GALNT11: variants seen among roughly 807,000 people sequenced by gnomAD.
GALNT11 encodes UDP-GalNAc:polypeptide N-acetylgalactosaminyltransferase 11.
A neutral mutation model predicts 72.7 loss-of-function variants in GALNT11; 47 were observed. The observed-to-expected ratio is 0.65, with a 90% CI of 0.51 to 0.82. GALNT11 has a LOEUF of 0.82. Among genes scored for constraint, GALNT11 ranks in the 40% least tolerant of loss-of-function variants. The probability of loss-of-function intolerance (pLI) is 0.00; values close to 1 mark genes in which losing one functional copy is unlikely to be tolerated. For missense variants in GALNT11, 677 were observed against 778.4 expected (o/e 0.87, Z 1.55); for synonymous variants, 270 against 286.6 (o/e 0.94, Z 0.58).
rs965110894 is a variant in GALNT11 at position 152,070,013 on chromosome 7, T to G, written c.-38-24177T>G. 4.6e-5 allele frequency among the ~76,000 whole-genome samples: 7 copies of G among 151,658 alleles called. No individual in the cohort carries two copies. In the East Asian group the frequency reaches 1.4e-3, roughly 29 times the overall value. On this transcript the variant is annotated intron_variant, in intron 1 of 11. Transcript: ENST00000430044. The stretch of plus-strand genomic sequence containing the variant: ...TTTCTTTTTCTTTTTCTTTTTTTTT[T>G]TGAGACAGAGTCTCCCTCTGTTGCC...
At chr7:152,026,116 G>A (rs1329132950) in intron 1 of GALNT11, among the ~76,000 whole-genome samples, 1 of 152,232 alleles carries the variant, frequency 6.6e-6, no homozygotes, top group East Asian at 1.9e-4. Flanking sequence ...GCGTGGGGGC[G>A]AGGACCAGGG....
At chr7:152,057,605 C>G (rs1205748826) in intron 1 of GALNT11, among the ~76,000 whole-genome samples, 1 of 152,250 alleles carries the variant, frequency 6.6e-6, no homozygotes, top group South Asian at 2.1e-4. Context: ...CCGTGCCCGG[C>G]CAGAATTAGA....
intron 1 of GALNT11, among the ~76,000 whole-genome samples, chr7:152,047,952 G>T (rs1282935745): frequency 3.3e-5 from 5 of 151,714 alleles, no homozygotes; most frequent in African/African-American, 1.2e-4. Flanking sequence ...CCACAATGAC[G>T]GTACTCTAAT....
chr7:152,042,361 C>T (rs538030995), intron 1 of GALNT11, among the ~76,000 whole-genome samples: 2 of 152,244 alleles, frequency 1.3e-5, no homozygotes, highest in South Asian at 2.1e-4. Context: ...TTCCGTTTAC[C>T]TGATTTTTTC....
At chr7:152,029,702 C>CT (rs988495946) in intron 1 of GALNT11, among the ~76,000 whole-genome samples, 2 of 152,248 alleles carry the variant, frequency 1.3e-5, no homozygotes, top group African/African-American at 4.8e-5. Flanking sequence ...TTTCCTAACT[C>CT]TGCTTCTACA....
chr7:152,088,491 T>C (rs1208923153), intron 1 of GALNT11, among the ~76,000 whole-genome samples: 2 of 151,992 alleles, frequency 1.3e-5, no homozygotes, highest in East Asian at 3.9e-4. Context: ...TATATTCAGT[T>C]TTTAAAAACA....
In GALNT11 at chr7:152,100,780, AACTT is replaced by A. The variant is rs560398003; in HGVS notation, c.296-17_296-14del. The A allele has an allele frequency of 7.8e-5, 126 of 1,612,280 alleles. No individual in the cohort carries two copies. The highest frequency in any genetic ancestry group is 4.9e-4 in the South Asian group (45 of 90,974). On this transcript the variant is annotated splice_polypyrimidine_tract_variant and intron_variant, in intron 2 of 11. Transcript: ENST00000430044. The stretch of plus-strand genomic sequence containing the variant: ...ACTTTCTAGATTTAATTCGCTGACT[AACTT>A]CACTCTTTTGCAGGTATGATTTTTA...
chr7:152,078,721 T>C (rs1008802411), intron 1 of GALNT11, among the ~76,000 whole-genome samples: 5 of 152,246 alleles, frequency 3.3e-5, no homozygotes, highest in African/African-American at 7.2e-5. Flanking sequence ...TAAGTGTTTT[T>C]CTAACAAGTG....
At position 152,110,748 on chromosome 7, in the gene GALNT11, C is replaced by T. The variant is rs145647562; in HGVS notation, c.1080+103C>T. On this transcript the variant is annotated intron_variant, in intron 7 of 11. Transcript: ENST00000430044. ...ATATTCTCCTTGATTATTTTTTTTTCGAGATAGGGTCTTTCTCTGCTGCCC... is the reference window on the plus strand; with the variant it reads ...ATATTCTCCTTGATTATTTTTTTTTTGAGATAGGGTCTTTCTCTGCTGCCC... 1.8e-4 allele frequency: 164 copies of T among 907,704 alleles called. 2 individuals carry two copies. The highest frequency in any genetic ancestry group is 1.8e-3 in the Middle Eastern group (5 of 2,848). The allele number at this position is 907,704 out of a possible 1,614,324, so 56.2% of individuals were successfully genotyped here. A position where few individuals can be genotyped will look rare whatever the true frequency, so the allele number is the denominator to read the frequency against.
rs1374684950 is a variant in GALNT11 at position 152,111,957 on chromosome 7, C to T, written c.1081-1289C>T. ...TTTGTGTATACAGGCACCCCTGTCCCGAGGAGGAAATCCACCTCGCATTAT... is the reference window on the plus strand; with the variant it reads ...TTTGTGTATACAGGCACCCCTGTCCTGAGGAGGAAATCCACCTCGCATTAT... On this transcript the variant is annotated intron_variant, in intron 7 of 11. Transcript: ENST00000430044. Among the ~76,000 whole-genome samples the T allele has an allele frequency of 2.0e-5, 3 of 152,244 alleles. No individual in the cohort carries two copies. In the East Asian group the frequency reaches 5.8e-4, roughly 29 times the overall value.
chr7:152,025,860 G>C lies in GALNT11; in HGVS notation c.-63G>C. The C allele has an allele frequency of 3.5e-6, 1 of 283,740 alleles. No individual in the cohort carries two copies. The highest frequency in any genetic ancestry group is 2.8e-5 in the South Asian group (1 of 36,022). 17.6% of individuals were successfully genotyped at this position (283,740 alleles called of 1,614,324 possible). A position where few individuals can be genotyped will look rare whatever the true frequency, so the allele number is the denominator to read the frequency against. On this transcript the variant is annotated 5_prime_UTR_variant, in exon 1 of 12. Transcript: ENST00000430044. Reference sequence around the variant, plus strand: ...GCCGCAGCCCGAGTCCCAGAAGGCGGCGATCCTGGGCTGCGGGCAAGGCGG... The same window carrying C: ...GCCGCAGCCCGAGTCCCAGAAGGCGCCGATCCTGGGCTGCGGGCAAGGCGG...
rs2087412004 is a variant in GALNT11 at position 152,105,304 on chromosome 7, G to A, written c.646G>A (p.Val216Ile). 2 of 1,613,908 alleles carry A rather than the reference G, an allele frequency of 1.2e-6. No homozygotes were observed. Among genetic ancestry groups the A allele is most frequent in the African/African-American group, 2.7e-5 (2 of 74,932 alleles). ...VQKYLPGKIK[V>I]IRNTKREGLI... ...AAAATACCTCCCTGGAAAAATTAAA[G>A]TCATAAGAAATACAAAGCGTGAGGG... The change falls in exon 5 of 12, where the codon GTC (valine) becomes ATC (isoleucine). Residue 216 changes from valine to isoleucine, a missense_variant. Physicochemically the swap from Val to Ile is conservative, Grantham distance 29. Coordinates refer to ENST00000430044, the MANE Select transcript of GALNT11 (RefSeq NM_022087.4).
intron 9 of GALNT11, 58 bp from the exon 10 acceptor site, chr7:152,118,620 G>A: frequency 2.0e-6 from 3 of 1,514,664 alleles, no homozygotes; most frequent in African/African-American, 2.8e-5. Flanking sequence ...CCACCTCCAG[G>A]CTTGGGAGGC....
At chr7:152,063,078 G>C (rs1396750332) in intron 1 of GALNT11, among the ~76,000 whole-genome samples, 3 of 152,192 alleles carry the variant, frequency 2.0e-5, no homozygotes, top group African/African-American at 7.2e-5. Context: ...GAATTCAACT[G>C]TGAATCCATC....
At chr7:152,105,133 T>C in intron 4 of GALNT11, 112 bp from the exon 5 acceptor site, 1 of 1,140,860 alleles carries the variant, frequency 8.8e-7, no homozygotes, top group Non-Finnish European at 1.2e-6. Context: ...TAGTATTTGC[T>C]TGATAGTTTG....
intron 1 of GALNT11, among the ~76,000 whole-genome samples, chr7:152,087,690 C>T (rs757176503): frequency 6.6e-6 from 1 of 152,150 alleles, no homozygotes; most frequent in Non-Finnish European, 1.5e-5. Context: ...GAAGGGAAAA[C>T]ATTAAACAAG....
chr7:152,070,372 T>A (rs1447771499), intron 1 of GALNT11, among the ~76,000 whole-genome samples: 1 of 152,188 alleles, frequency 6.6e-6, no homozygotes, highest in Non-Finnish European at 1.5e-5. Context: ...CTTCCTATTC[T>A]TACAGCACAA....
In GALNT11 at chr7:152,108,057, G is replaced by C. The variant is rs542236528; in HGVS notation, c.732G>C (p.Leu244=). 1.2e-6 allele frequency: 2 copies of C among 1,611,054 alleles called. No individual in the cohort carries two copies. Among genetic ancestry groups the C allele is most frequent in the African/African-American group, 2.7e-5 (2 of 75,004 alleles). Residue 244 remains leucine (L), a synonymous_variant, in exon 6 of 12, where the codon CTG becomes CTC. Transcript: ENST00000430044. The part of the protein sequence containing the change: ...AHATGEVLVF[L]DSHCEVNVMW... ...CCCCAGGAGAAGTCCTTGTGTTCCT[G>C]GACAGCCACTGTGAAGTGAATGTGA... is the stretch of plus-strand genomic sequence containing the variant.
At position 152,101,645 on chromosome 7, in the gene GALNT11, G is replaced by GT. The variant is rs72312403; in HGVS notation, c.419+724_419+725insT. 7.2e-3 allele frequency among the ~76,000 whole-genome samples: 1,055 copies of GT among 146,094 alleles called. 20 individuals are homozygous for GT. The highest frequency in any genetic ancestry group is 0.026 in the African/African-American group (1,015 of 39,584). Reference sequence around the variant, plus strand: ...CTCTAAGTTCATGGCTTTTTTTTGGGGGGGGGGGGATGGAGTCTTTCTCTG... The same window carrying GT: ...CTCTAAGTTCATGGCTTTTTTTTGGGTGGGGGGGGGATGGAGTCTTTCTCTG... On this transcript the variant is annotated intron_variant, in intron 3 of 11. Transcript: ENST00000430044.
Sources: gnomAD v4.1 joint callset for allele counts (sites outside exome capture counted in the v4.1 genomes callset) on GRCh38, gnomAD v4.1.1 for gene constraint, MANE v1.5 for transcripts, NCBI Gene and HGNC (gene_info 2026-07-23, HGNC 2026-07-21) for gene names.